The following PCDHGA9 variants were observed in gnomAD, a reference collection of about 807,000 sequenced individuals.
PCDHGA9 encodes the protein protocadherin gamma subfamily A, 9.
In PCDHGA9, 37 loss-of-function variants were observed where a neutral mutation model predicts 62.5. That is an observed-to-expected ratio of 0.59 (90% CI 0.46 to 0.78). PCDHGA9 has a LOEUF of 0.78. Among genes scored for constraint, PCDHGA9 ranks in the 30% least tolerant of loss-of-function variants. The pLI is 0.00. For missense variants in PCDHGA9, 1,138 were observed against 1,166.2 expected (o/e 0.98, Z 0.35); for synonymous variants, 459 against 484.6 (o/e 0.95, Z 0.69).
intron 1 of PCDHGA9, 180 bp downstream of exon 1, chr5:141,405,556 C>T: frequency 1.6e-6 from 1 of 619,826 alleles, no homozygotes; most frequent in East Asian, 2.7e-5. Context: ...AGTAGAGTAG[C>T]TGGGACTAGA....
intron 1 of PCDHGA9, chr5:141,408,675 CG>C (rs757230674): frequency 2.3e-5 from 37 of 1,613,832 alleles, no homozygotes; most frequent in Non-Finnish European, 3.1e-5. Flanking sequence ...GACCCTGCCA[CG>C]GATCCTGATA....
Position 141,491,763 on chromosome 5 carries a change from T to A in PCDHGA9, c.2425-3044T>A. 1 of 1,570,222 alleles carries A rather than the reference T, an allele frequency of 6.4e-7. No individual in the cohort carries two copies. The highest frequency in any genetic ancestry group is 8.6e-7 in the Non-Finnish European group (1 of 1,159,286). On this transcript the variant is annotated intron_variant, in intron 1 of 3. Transcript: ENST00000573521. This position sits in a 1 kb window ranked among gnomAD's most constrained non-coding sequence, Gnocchi z 6.9. ...GCGGCACTGGAGAAGCCGCCCGTCC[T>A]CATAAGGGATTGAACTTGCATCCAC... is the stretch of plus-strand genomic sequence containing the variant.
At chr5:141,417,702 A>G (rs2096149298) in intron 1 of PCDHGA9, 2 of 1,199,336 alleles carry the variant, frequency 1.7e-6, no homozygotes, top group Non-Finnish European at 1.1e-6. Context: ...CAGCTCCCAC[A>G]CAGAGGCTCC....
Position 141,490,055 on chromosome 5 carries a change from G to A in PCDHGA9, c.2425-4752G>A, listed in dbSNP as rs746297447. The A allele has an allele frequency of 1.9e-6, 3 of 1,614,068 alleles. No individual in the cohort carries two copies. The Admixed American group carries it at 5.0e-5, about 27-fold the overall frequency. On this transcript the variant is annotated intron_variant, in intron 1 of 3. Transcript: ENST00000573521. This position sits in a 1 kb window ranked among gnomAD's most constrained non-coding sequence, Gnocchi z 5.4. ...CTCAATGCCACTGATCCAGACGAGG[G>A]CACCAACGGCCAACTAGACTATTCT...
At chr5:141,421,303 G>C in intron 1 of PCDHGA9, 1 of 1,613,660 alleles carries the variant, frequency 6.2e-7, no homozygotes, top group Non-Finnish European at 8.5e-7. Context: ...GACGCTGCGG[G>C]GGTTCCGGGC....
At chr5:141,505,777 TCTG>T (rs77860300) in intron 3 of PCDHGA9, among the ~76,000 whole-genome samples, 6,508 of 152,280 alleles carry the variant, frequency 0.043, 161 homozygotes, top group Middle Eastern at 0.13. Context: ...AGGTCCTAGC[TCTG>T]CTACTATCCT....
chr5:141,435,519 T>C (rs2097768121), intron 1 of PCDHGA9, among the ~76,000 whole-genome samples: 2 of 152,192 alleles, frequency 1.3e-5, no homozygotes, highest in South Asian at 4.1e-4. Context: ...ATGATGACTT[T>C]GTGGAATATT....
chr5:141,487,438 G>A lies in PCDHGA9; in HGVS notation c.2425-7369G>A, dbSNP rs2154580826. 6 of 1,614,174 alleles carry A rather than the reference G, an allele frequency of 3.7e-6. No individual in the cohort carries two copies. Among genetic ancestry groups the A allele is most frequent in the East Asian group, 2.2e-5 (1 of 44,866 alleles). On this transcript the variant is annotated intron_variant, in intron 1 of 3. Transcript: ENST00000573521. This position sits in a 1 kb window ranked among gnomAD's most constrained non-coding sequence, Gnocchi z 5.0. The stretch of plus-strand genomic sequence containing the variant: ...ATGGGATCCTCCGAATCCAGCTAGG[G>A]TCAGATGACCCTATCAAGTTTGTTG...
At chr5:141,505,261 T>C in intron 2 of PCDHGA9, 132 bp from the exon 3 acceptor site, 1 of 1,505,282 alleles carries the variant, frequency 6.6e-7, no homozygotes. Context: ...GCCTCCTACC[T>C]TGCTGAGAGA....
intron 1 of PCDHGA9, chr5:141,414,815 G>T (rs1437985019): frequency 2.2e-5 from 35 of 1,614,236 alleles, no homozygotes; most frequent in Non-Finnish European, 2.9e-5. Flanking sequence ...CCTCCACTCA[G>T]CAGCAACGTG....
intron 1 of PCDHGA9, chr5:141,419,430 A>T: frequency 1.2e-6 from 2 of 1,613,318 alleles, no homozygotes; most frequent in Non-Finnish European, 1.7e-6. Flanking sequence ...GACCACGAGC[A>T]GCTGCGCACC....
At chr5:141,440,280 A>G (rs1389627767) in intron 1 of PCDHGA9, 1 of 152,220 alleles carries the variant, frequency 6.6e-6, no homozygotes, top group East Asian at 1.9e-4. Context: ...CAGCCTGACC[A>G]ACATAGTGAA....
rs760509503 is a variant in PCDHGA9 at position 141,432,756 on chromosome 5, A to T, written c.2424+27380A>T. The T allele has an allele frequency of 5.6e-6, 9 of 1,613,958 alleles. No homozygotes were observed. Among genetic ancestry groups the T allele is most frequent in the Non-Finnish European group, 7.6e-6 (9 of 1,179,994 alleles). On this transcript the variant is annotated intron_variant, in intron 1 of 3. Transcript: ENST00000573521. This position sits in a 1 kb window ranked among gnomAD's most constrained non-coding sequence, Gnocchi z 6.0. ...GTCACGCTCACCGTGGCCGTGGCCG[A>T]CAGCATCCCCCAAGTCCTGGCGGAC...
intron 1 of PCDHGA9, among the ~76,000 whole-genome samples, chr5:141,460,104 T>C (rs2098982178): frequency 6.6e-6 from 1 of 151,986 alleles, no homozygotes; most frequent in African/African-American, 2.4e-5. Flanking sequence ...CATGTAATTA[T>C]ATATGATTTT....
At chr5:141,496,479 CAACCAACCA>C (rs1199646129) in intron 2 of PCDHGA9, among the ~76,000 whole-genome samples, 1 of 152,180 alleles carries the variant, frequency 6.6e-6, no homozygotes, top group Non-Finnish European at 1.5e-5. Context: ...CCCCATCCTG[CAACCAACCA>C]AACCCTTGTT....
At chr5:141,464,120 C>G (rs1297254980) in intron 1 of PCDHGA9, among the ~76,000 whole-genome samples, 1 of 151,976 alleles carries the variant, frequency 6.6e-6, no homozygotes, top group African/African-American at 2.4e-5. Flanking sequence ...CAAAAATTAG[C>G]TGGGTGTGGT....
At chr5:141,413,806 A>G (rs775797735) in intron 1 of PCDHGA9, 1 of 1,613,168 alleles carries the variant, frequency 6.2e-7, no homozygotes, top group Non-Finnish European at 8.5e-7. Context: ...GGAAGAGGCC[A>G]TTCACCACCT....
At chr5:141,435,214 AC>A (rs1332585721) in intron 1 of PCDHGA9, among the ~76,000 whole-genome samples, 1 of 152,176 alleles carries the variant, frequency 6.6e-6, no homozygotes, top group African/African-American at 2.4e-5. Flanking sequence ...AAGTGAATTT[AC>A]TTTCTTTCAA....
chr5:141,460,726 A>G lies in PCDHGA9; in HGVS notation c.2425-34081A>G, dbSNP rs545089217. ...GAGAATAAACTATTGTTATAAGCAT[A>G]TATACACATTGTATATATATGTGTA... On this transcript the variant is annotated intron_variant, in intron 1 of 3. Coordinates refer to ENST00000573521, the MANE Select transcript of PCDHGA9 (RefSeq NM_018921.3). Among the ~76,000 whole-genome samples the G allele has an allele frequency of 6.6e-5, 10 of 152,252 alleles. No homozygotes were observed. In the East Asian group the frequency reaches 1.9e-3, roughly 29 times the overall value.
Sources: allele counts gnomAD v4.1 joint callset (sites outside exome capture counted in the v4.1 genomes callset), GRCh38; gene constraint gnomAD v4.1.1; non-coding constraint Gnocchi (gnomAD v3.1); transcripts MANE v1.5; gene names NCBI Gene and HGNC (gene_info 2026-07-23, HGNC 2026-07-21).